The following SLC25A29 variants were observed in gnomAD, a reference collection of about 807,000 sequenced individuals.
SLC25A29 encodes solute carrier family 25 member 29.
A neutral mutation model predicts 10.0 loss-of-function variants in SLC25A29; 13 were observed. The ratio of observed to expected loss-of-function variants is 1.30; its 90% CI spans 0.85 to 2.07. The LOEUF (loss-of-function observed/expected upper bound fraction) is 2.07, where lower values mean the gene tolerates loss of function less well. SLC25A29 is among the 30% of genes most tolerant of loss of function. The pLI is 0.00. For synonymous variants in SLC25A29, 244 were observed against 221.1 expected, an observed-to-expected ratio of 1.10 and a Z score of -0.92; for missense variants, 475 against 447.6, an observed-to-expected ratio of 1.06 and a Z score of -0.55.
intron 2 of SLC25A29, among the ~76,000 whole-genome samples, chr14:100,297,596 C>T (rs1364189631): frequency 3.9e-5 from 6 of 152,290 alleles, no homozygotes; most frequent in South Asian, 4.2e-4. Context: ...GGAGGCTTCA[C>T]GGGTGGCCTG....
intron 2 of SLC25A29, chr14:100,297,914 G>C (rs1352079219): frequency 6.6e-6 from 1 of 152,298 alleles, no homozygotes; most frequent in South Asian, 2.1e-4. Context: ...ACCTGCACAA[G>C]GCCCAGGGAC....
In SLC25A29 at chr14:100,292,279, A is replaced by C. The variant is rs992827888; in HGVS notation, c.*4T>G. 6.5e-7 allele frequency: 1 copy of C among 1,534,102 alleles called. No homozygotes were observed. Among genetic ancestry groups the C allele is most frequent in the Non-Finnish European group, 8.8e-7 (1 of 1,141,430 alleles). On this transcript the variant is annotated 3_prime_UTR_variant, in exon 4 of 4. Coordinates refer to ENST00000359232, the MANE Select transcript of SLC25A29 (RefSeq NM_001039355.3). ...AGCCCTGGGGAAGGAGGGCGGGGTG[A>C]GCGTCACAGGCTGGAGGGCTGCGCC...
chr14:100,294,242 T>C (rs1891988136), intron 2 of SLC25A29: 1 of 152,262 alleles, frequency 6.6e-6, no homozygotes, highest in African/African-American at 2.4e-5. Flanking sequence ...AACAACCTCC[T>C]TGGGGACCCA....
downstream of SLC25A29, among the ~76,000 whole-genome samples, chr14:100,288,691 A>G (rs1891596540): frequency 6.7e-6 from 1 of 150,372 alleles, no homozygotes; most frequent in African/African-American, 2.4e-5. Context: ...CTCTTCCTCT[A>G]GGACTCTGCT....
rs1278251617 is a variant in SLC25A29 at position 100,292,665 on chromosome 14, C to T, written c.530G>A (p.Arg177Gln). 6.3e-7 allele frequency: 1 copy of T among 1,599,770 alleles called. No individual in the cohort carries two copies. The highest frequency in any genetic ancestry group is 8.5e-7 in the Non-Finnish European group (1 of 1,174,882). ...VYFLTYDALT[R>Q]ALGCEPGDRL... Reference sequence around the variant, plus strand: ...GTCGCCCGGCTCGCAGCCCAGCGCCCGCGTGAGAGCGTCATAGGTGAGGAA... The same window carrying T: ...GTCGCCCGGCTCGCAGCCCAGCGCCTGCGTGAGAGCGTCATAGGTGAGGAA... Residue 177 changes from arginine (R) to glutamine (Q), a missense_variant, in exon 4 of 4, where the codon CGG becomes CAG. Coordinates refer to ENST00000359232, the MANE Select transcript of SLC25A29 (RefSeq NM_001039355.3).
At chr14:100,298,270 G>T (rs1010075964) in intron 2 of SLC25A29, 3 of 160,206 alleles carry the variant, frequency 1.9e-5, no homozygotes, top group African/African-American at 4.8e-5. Context: ...AGCGGAGGGT[G>T]GGGGGTTTAT....
At chr14:100,306,143 C>G in intron 1 of SLC25A29, 56 bp downstream of exon 1, 1 of 1,321,682 alleles carries the variant, frequency 7.6e-7, no homozygotes, top group Non-Finnish European at 9.9e-7. Context: ...GCTGGTGGGC[C>G]GACCTCCCTC....
downstream of SLC25A29, among the ~76,000 whole-genome samples, chr14:100,286,474 G>GT (rs1160938262): frequency 4.2e-5 from 6 of 142,152 alleles, no homozygotes; most frequent in Non-Finnish European, 9.3e-5. Context: ...CATGGCTGGG[G>GT]GGGGGGGTGT....
chr14:100,298,757 C>A (rs555652087), intron 2 of SLC25A29, 85 bp downstream of exon 2: 10 of 1,572,174 alleles, frequency 6.4e-6, no homozygotes, highest in Non-Finnish European at 8.8e-6. Context: ...GGGCTGTACA[C>A]GGAAACAGGC....
At chr14:100,300,930 C>T (rs1271151677) in intron 1 of SLC25A29, among the ~76,000 whole-genome samples, 8 of 152,056 alleles carry the variant, frequency 5.3e-5, no homozygotes, top group Non-Finnish European at 2.9e-5. Flanking sequence ...GACAGAGTCT[C>T]GCTCTGTCGC....
intron 2 of SLC25A29, chr14:100,294,231 C>T (rs1891987448): frequency 6.6e-6 from 1 of 152,262 alleles, no homozygotes; most frequent in Non-Finnish European, 1.5e-5. Context: ...AGAGAACAGC[C>T]AACAACCTCC....
chr14:100,301,312 C>A (rs1892529214), intron 1 of SLC25A29, among the ~76,000 whole-genome samples: 1 of 151,830 alleles, frequency 6.6e-6, no homozygotes, highest in Non-Finnish European at 1.5e-5. Flanking sequence ...ACTACAGGCC[C>A]ACCCCACCAC....
At position 100,292,092 on chromosome 14, in the gene SLC25A29, C is replaced by A; in HGVS notation, c.*191G>T. ...AGTGTGGGCATGAGGGTCCTTATTT[C>A]ATAGATGAGAACACTGAGGCAAGTG... On this transcript the variant is annotated 3_prime_UTR_variant, in exon 4 of 4. Transcript: ENST00000359232. 7.3e-6 allele frequency: 5 copies of A among 682,224 alleles called. No homozygotes were observed. The highest frequency in any genetic ancestry group is 3.3e-5 in the South Asian group (2 of 60,108). The allele number at this position is 682,224 out of a possible 1,614,324, so 42.3% of individuals were successfully genotyped here.
the SLC25A29 span, chr14:100,279,817 A>G: frequency 6.6e-6 from 1 of 152,248 alleles, no homozygotes; most frequent in Non-Finnish European, 1.5e-5. Context: ...GACCCTGCCC[A>G]AGGGCCCACC....
At chr14:100,303,335 G>A (rs1183047860) in intron 1 of SLC25A29, among the ~76,000 whole-genome samples, 2 of 152,204 alleles carry the variant, frequency 1.3e-5, no homozygotes, top group African/African-American at 2.4e-5. Flanking sequence ...TTGAAGCTAG[G>A]TCCAGCTGTG....
chr14:100,292,410 T>G lies in SLC25A29; in HGVS notation c.785A>C (p.Asn262Thr). The G allele has an allele frequency of 6.3e-7, 1 of 1,576,338 alleles. No individual in the cohort carries two copies. Among genetic ancestry groups the G allele is most frequent in the African/African-American group, 1.3e-5 (1 of 74,456 alleles). ...CGTGACGGTGGCGAAGGTGGCAGCG[T>G]TGACGGGGAAGGCGCGCAGCAGCGT... is the stretch of plus-strand genomic sequence containing the variant. ...ASTLLRAFPV[N>T]AATFATVTVV... is the part of the protein sequence containing the mutation. Residue 262 changes from asparagine to threonine, a missense_variant, in exon 4 of 4, where the codon AAC becomes ACC. Physicochemically the swap from Asn to Thr is moderately conservative, Grantham distance 65. Transcript: ENST00000359232.
chr14:100,302,597 C>T (rs1892637354), intron 1 of SLC25A29, among the ~76,000 whole-genome samples: 1 of 152,008 alleles, frequency 6.6e-6, no homozygotes, highest in African/African-American at 2.4e-5. Flanking sequence ...CCTCGTGATC[C>T]ACCCATCTCA....
At position 100,292,114 on chromosome 14, in the gene SLC25A29, A is replaced by C; in HGVS notation, c.*169T>G. 2 of 769,902 alleles carry C rather than the reference A, an allele frequency of 2.6e-6. No individual in the cohort carries two copies. Among genetic ancestry groups the C allele is most frequent in the Non-Finnish European group, 2.2e-6 (1 of 463,080 alleles). 47.7% of individuals were successfully genotyped at this position (769,902 alleles called of 1,614,324 possible). On this transcript the variant is annotated 3_prime_UTR_variant, in exon 4 of 4. Transcript: ENST00000359232. ...TTTCATAGATGAGAACACTGAGGCAAGTGCAGTTCTCGGCCAAAACTACCC... is the reference window on the plus strand; with the variant it reads ...TTTCATAGATGAGAACACTGAGGCACGTGCAGTTCTCGGCCAAAACTACCC...
At chr14:100,285,304 C>A in the SLC25A29 span, among the ~76,000 whole-genome samples, 2 of 147,714 alleles carry the variant, frequency 1.4e-5, no homozygotes, top group South Asian at 2.1e-4. Context: ...CCCTTCCCTG[C>A]CACCCTGCAG....
Sources: gnomAD v4.1 joint callset for allele counts (sites outside exome capture counted in the v4.1 genomes callset) on GRCh38, gnomAD v4.1.1 for gene constraint, MANE v1.5 for transcripts, NCBI Gene and HGNC (gene_info 2026-07-23, HGNC 2026-07-21) for gene names.